ARID3A: variants seen among roughly 807,000 people sequenced by gnomAD.
ARID3A encodes AT-rich interaction domain 3A.
A neutral mutation model predicts 52.7 loss-of-function variants in ARID3A; 11 were observed. The observed-to-expected ratio is 0.21, with a 90% CI of 0.13 to 0.35. The LOEUF (loss-of-function observed/expected upper bound fraction) is 0.35. Ranked by LOEUF, ARID3A falls within the 10% of genes least tolerant of loss-of-function variation. The pLI is 1.00. For synonymous variants in ARID3A, 404 were observed against 359.4 expected (o/e 1.12, Z -1.40); for missense variants, 721 against 838.5 (o/e 0.86, Z 1.73).
intron 3 of ARID3A, among the ~76,000 whole-genome samples, chr19:934,336 T>A (rs971217546): frequency 6.6e-6 from 1 of 152,016 alleles, no homozygotes; most frequent in Non-Finnish European, 1.5e-5. Flanking sequence ...AGTTTTGGGG[T>A]GACTGGCCCA....
At chr19:953,254 G>A (rs1430253570) in intron 3 of ARID3A, among the ~76,000 whole-genome samples, 1 of 152,176 alleles carries the variant, frequency 6.6e-6, no homozygotes, top group Non-Finnish European at 1.5e-5. Context: ...GTTTCTCTGG[G>A]AGGTGGGGTG....
intron 7 of ARID3A, 81 bp from the exon 8 acceptor site, chr19:968,324 A>G: frequency 8.1e-7 from 1 of 1,238,402 alleles, no homozygotes; most frequent in Non-Finnish European, 1.1e-6. Context: ...GCGCCACTGC[A>G]CTCCAGCCTG....
intron 1 of ARID3A, among the ~76,000 whole-genome samples, chr19:927,368 T>C (rs531949449): frequency 6.7e-6 from 1 of 149,188 alleles, no homozygotes; most frequent in Admixed American, 6.6e-5. Context: ...ATGGCGGCGA[T>C]GGGGGGGCAC....
intron 8 of ARID3A, among the ~76,000 whole-genome samples, chr19:971,051 C>T (rs1162596939): frequency 6.6e-6 from 1 of 152,220 alleles, no homozygotes; most frequent in Non-Finnish European, 1.5e-5. Flanking sequence ...ATCAACGAAC[C>T]ATGGGCATCA....
intron 3 of ARID3A, among the ~76,000 whole-genome samples, chr19:949,704 T>C (rs1599405643): frequency 7.9e-6 from 1 of 127,366 alleles, no homozygotes; most frequent in Non-Finnish European, 1.6e-5. Flanking sequence ...TGAGATGGAG[T>C]CTCGCTCTGT....
Position 933,466 on chromosome 19 carries a change from C to T in ARID3A, c.693+724C>T, listed in dbSNP as rs141361819. 1.4e-3 allele frequency among the ~76,000 whole-genome samples: 217 copies of T among 152,298 alleles called. No individual in the cohort carries two copies. The Middle Eastern group carries it at 0.037, about 26-fold the overall frequency. On this transcript the variant is annotated intron_variant, in intron 3 of 8. Transcript: ENST00000263620. The stretch of plus-strand genomic sequence containing the variant: ...GTGGCCAGGCTCACATTCCAGCCCT[C>T]GTCCAGCTGGGCTCTGCCTCGACCT...
rs374598901 is a variant in ARID3A, at chr19:965,107, G to T, written c.1198+27G>T. On this transcript the variant is annotated intron_variant, in intron 6 of 8. Coordinates refer to ENST00000263620, the MANE Select transcript of ARID3A (RefSeq NM_005224.3). ...TAAGGGCCTGTATGGGGCCTGGGGCGTGTTCCCAACTGAGCTTCAGCCTGG... is the reference window on the plus strand; with the variant it reads ...TAAGGGCCTGTATGGGGCCTGGGGCTTGTTCCCAACTGAGCTTCAGCCTGG... The T allele has an allele frequency of 3.2e-5, 50 of 1,574,372 alleles. No individual in the cohort carries two copies. In the South Asian group the frequency reaches 4.6e-4, roughly 14 times the overall value.
intron 8 of ARID3A, among the ~76,000 whole-genome samples, chr19:969,557 T>C (rs977424200): frequency 1.3e-5 from 2 of 151,680 alleles, no homozygotes; most frequent in East Asian, 3.9e-4. Flanking sequence ...TATATATCTA[T>C]ATATAGATAT....
At chr19:950,225 GTCCCCAGAGGGA>G (rs1374968029) in intron 3 of ARID3A, among the ~76,000 whole-genome samples, 1 of 101,088 alleles carries the variant, frequency 9.9e-6, no homozygotes, top group African/African-American at 4.3e-5. Context: ...GGATGAGGCC[GTCCCCAGAGGGA>G]ACGGATGGAT....
chr19:929,654 C>T lies in ARID3A; in HGVS notation c.126C>T (p.Ala42=). The change falls in exon 2 of 9, where the codon GCC becomes GCT. Residue 42 remains alanine (A), a synonymous_variant. Transcript: ENST00000263620. The surrounding 1 kb of genome is among the most constrained non-coding windows in gnomAD (Gnocchi z 6.2). ...CACCCCCCGGCCGGGCCCGGGCTGC[C>T]CCCGACGAGGACAGAGAGCCCGAGA... ...PAAPPGRARA[A]PDEDREPESA... 2 of 1,540,420 alleles carry T rather than the reference C, an allele frequency of 1.3e-6. No homozygotes were observed. The highest frequency in any genetic ancestry group is 1.7e-6 in the Non-Finnish European group (2 of 1,150,578).
rs964866968 is a variant in ARID3A, at chr19:944,802, A to G, written c.693+12060A>G. ...CACCACACCCGGCTAACTTCATTTTATTTTTTGGAGACAGGGTCTTGCTGC... is the reference window on the plus strand; with the variant it reads ...CACCACACCCGGCTAACTTCATTTTGTTTTTTGGAGACAGGGTCTTGCTGC... On this transcript the variant is annotated intron_variant, in intron 3 of 8. Coordinates refer to ENST00000263620, the MANE Select transcript of ARID3A (RefSeq NM_005224.3). The surrounding 1 kb of genome is among the most constrained non-coding windows in gnomAD (Gnocchi z 5.9). Among the ~76,000 whole-genome samples, 7 of 151,944 alleles carry G rather than the reference A, an allele frequency of 4.6e-5. No individual in the cohort carries two copies. The highest frequency in any genetic ancestry group is 1.0e-4 in the Non-Finnish European group (7 of 67,934).
intron 3 of ARID3A, among the ~76,000 whole-genome samples, chr19:936,571 A>G (rs2037443300): frequency 6.6e-6 from 1 of 152,110 alleles, no homozygotes; most frequent in Non-Finnish European, 1.5e-5. Flanking sequence ...GGGTGGGTGC[A>G]GTGGCTCACG....
At chr19:932,249 C>T (rs995123231) in intron 2 of ARID3A, among the ~76,000 whole-genome samples, 169 bp from the exon 3 acceptor site, 1 of 152,172 alleles carries the variant, frequency 6.6e-6, no homozygotes, top group Admixed American at 6.5e-5. Flanking sequence ...GTGGGCGTCA[C>T]GGGTGCCCCA....
In ARID3A at chr19:947,660, T is replaced by C. The variant is rs2037714884; in HGVS notation, c.694-12432T>C. Among the ~76,000 whole-genome samples, 1 of 152,184 alleles carries C rather than the reference T, an allele frequency of 6.6e-6. No homozygotes were observed. Among genetic ancestry groups the C allele is most frequent in the East Asian group, 1.9e-4 (1 of 5,198 alleles). On this transcript the variant is annotated intron_variant, in intron 3 of 8. Coordinates refer to ENST00000263620, the MANE Select transcript of ARID3A (RefSeq NM_005224.3). The surrounding 1 kb of genome is among the most constrained non-coding windows in gnomAD (Gnocchi z 6.3). The stretch of plus-strand genomic sequence containing the variant: ...GTCAGCAAGCTCCCCCGGAATCTCG[T>C]GATCTGGAAATCCACAGAGAAGCAC...
At chr19:932,860 G>A (rs1212483044) in intron 3 of ARID3A, 118 bp downstream of exon 3, 10 of 1,481,684 alleles carry the variant, frequency 6.7e-6, no homozygotes, top group African/African-American at 1.5e-5. Flanking sequence ...GAGAGCTGGG[G>A]GTTCCTGCGG....
chr19:926,386 T>TGGA (rs2037198808), intron 1 of ARID3A, among the ~76,000 whole-genome samples: 2 of 151,346 alleles, frequency 1.3e-5, no homozygotes, highest in African/African-American at 4.9e-5. Flanking sequence ...GCTTGGAGAC[T>TGGA]TCACTCCCCA....
Position 959,134 on chromosome 19 carries a change from G to T in ARID3A, c.694-958G>T, listed in dbSNP as rs1010002651. The stretch of plus-strand genomic sequence containing the variant: ...ATCACCAACAGACATTTATCAGGAC[G>T]CATCCTGCACGAAGACAGAGGCAGA... On this transcript the variant is annotated intron_variant, in intron 3 of 8. Transcript: ENST00000263620. This position sits in a 1 kb window ranked among gnomAD's most constrained non-coding sequence, Gnocchi z 5.0. 6.6e-6 allele frequency among the ~76,000 whole-genome samples: 1 copy of T among 152,182 alleles called. No individual in the cohort carries two copies. The highest frequency in any genetic ancestry group is 1.5e-5 in the Non-Finnish European group (1 of 68,036).
In ARID3A at chr19:964,896, C is replaced by T; in HGVS notation, c.1014C>T (p.Leu338=). Residue 338 remains leucine (L), a synonymous_variant, in exon 6 of 9, where the codon CTC becomes CTT. Coordinates refer to ENST00000263620, the MANE Select transcript of ARID3A (RefSeq NM_005224.3). This position sits in a 1 kb window ranked among gnomAD's most constrained non-coding sequence, Gnocchi z 5.7. The part of the protein sequence containing the change: ...EKRGLSNPNE[L]QAAIDSNRRE... ...GGGGCCTCAGTAACCCCAATGAGCTCCAGGCAGCCATAGACAGCAACCGAC... is the reference window on the plus strand; with the variant it reads ...GGGGCCTCAGTAACCCCAATGAGCTTCAGGCAGCCATAGACAGCAACCGAC... 1.2e-6 allele frequency: 2 copies of T among 1,613,970 alleles called. No individual in the cohort carries two copies. The highest frequency in any genetic ancestry group is 1.6e-4 in the Middle Eastern group (1 of 6,062).
chr19:962,096 C>T (rs1371660329), intron 4 of ARID3A, among the ~76,000 whole-genome samples: 1 of 152,128 alleles, frequency 6.6e-6, no homozygotes, highest in Non-Finnish European at 1.5e-5. Context: ...CCTCAAAGCT[C>T]CCTCTTCCTT....
Sources: allele counts gnomAD v4.1 joint callset (sites outside exome capture counted in the v4.1 genomes callset), GRCh38; gene constraint gnomAD v4.1.1; non-coding constraint Gnocchi (gnomAD v3.1); transcripts MANE v1.5; gene names NCBI Gene and HGNC (gene_info 2026-07-23, HGNC 2026-07-21).